Variants in ILDR1 observed in about 807,000 individuals in gnomAD.
ILDR1 encodes the protein immunoglobulin like domain containing receptor 1.
A neutral mutation model predicts 62.4 loss-of-function variants in ILDR1; 56 were observed. That is an observed-to-expected ratio of 0.90 (90% CI 0.72 to 1.12). ILDR1 has a LOEUF of 1.12. Among genes scored for constraint, ILDR1 ranks in the 50% most tolerant of loss-of-function variants. The probability of loss-of-function intolerance (pLI) is 0.00; values close to 1 mark genes in which losing one functional copy is unlikely to be tolerated. For synonymous variants in ILDR1, 284 were observed against 277.8 expected (o/e 1.02, Z -0.22); for missense variants, 736 against 710.6 (o/e 1.04, Z -0.41).
the ILDR1 span, among the ~76,000 whole-genome samples, chr3:122,029,461 C>G: frequency 6.6e-6 from 1 of 150,382 alleles, no homozygotes. Flanking sequence ...GAGCCGAGAT[C>G]CAGCCACTGC....
At chr3:122,002,819 A>T (rs9863154) in intron 3 of ILDR1, among the ~76,000 whole-genome samples, 75,361 of 151,856 alleles carry the variant, frequency 0.5, 19,295 homozygotes, top group East Asian at 0.78. Flanking sequence ...CCCCCATGTG[A>T]CCATGCATTC....
Position 122,002,010 on chromosome 3 carries a change from TGTGCCTATA to T in ILDR1, c.380-155_380-147del, listed in dbSNP as rs74268689. Reference sequence around the variant, plus strand: ...AAAAAATTATCCAGCCATGGTGGCATGTGCCTATAGTCCCAGCTTCTCTGGAGACCGAGG... The same window carrying T: ...AAAAAATTATCCAGCCATGGTGGCATGTCCCAGCTTCTCTGGAGACCGAGG... On this transcript the variant is annotated intron_variant, in intron 3 of 7. Transcript: ENST00000344209. 0.19 allele frequency: 182,630 copies of T among 949,162 alleles called. 19,375 individuals carry two copies. The highest frequency in any genetic ancestry group is 0.29 in the South Asian group (19,969 of 67,870). The allele number at this position is 949,162 out of a possible 1,614,324, so 58.8% of individuals were successfully genotyped here. A position where few individuals can be genotyped will look rare whatever the true frequency, so the allele number is the denominator to read the frequency against.
chr3:122,010,476 T>A (rs2071687794), intron 1 of ILDR1, among the ~76,000 whole-genome samples: 1 of 152,230 alleles, frequency 6.6e-6, no homozygotes, highest in African/African-American at 2.4e-5. Flanking sequence ...GCTGTCTCCG[T>A]AAGCTGTAGA....
intron 1 of ILDR1, among the ~76,000 whole-genome samples, chr3:122,014,601 G>A (rs1033084674): frequency 2.0e-5 from 3 of 152,068 alleles, no homozygotes; most frequent in East Asian, 1.9e-4. Context: ...CTTCACATGC[G>A]TTCTTTTATT....
chr3:122,036,082 G>A, the ILDR1 span, among the ~76,000 whole-genome samples: 38 of 152,290 alleles, frequency 2.5e-4, no homozygotes, highest in African/African-American at 8.9e-4. Flanking sequence ...TGGAGTAAAG[G>A]TCACCCTTAC....
In ILDR1 at chr3:122,001,578, T is replaced by C. The variant is rs1022715828; in HGVS notation, c.500-124A>G. The C allele has an allele frequency of 1.0e-5, 15 of 1,472,410 alleles. No homozygotes were observed. The African/African-American group carries it at 1.7e-4, about 16-fold the overall frequency. The allele number at this position is 1,472,410 out of a possible 1,614,324, so 91.2% of individuals were successfully genotyped here. On this transcript the variant is annotated intron_variant, in intron 4 of 7. Transcript: ENST00000344209. ...ACCTACAGGTTAAAGTTGAGCAATA[T>C]ACTGGCAAAAAGGTAAAAGTTTAGC...
At chr3:122,006,230 G>A (rs1220993350) in intron 2 of ILDR1, among the ~76,000 whole-genome samples, 1 of 152,146 alleles carries the variant, frequency 6.6e-6, no homozygotes, top group Non-Finnish European at 1.5e-5. Context: ...TTCTCAGGAG[G>A]CTCACTTTTC....
chr3:121,989,434 C>T (rs2071305645), intron 7 of ILDR1, among the ~76,000 whole-genome samples: 1 of 152,162 alleles, frequency 6.6e-6, no homozygotes, highest in African/African-American at 2.4e-5. Context: ...CTGGGATTCT[C>T]TTTAGAAAGT....
chr3:122,025,043 C>T (rs187358985), upstream of ILDR1, among the ~76,000 whole-genome samples: 3 of 152,342 alleles, frequency 2.0e-5, no homozygotes, highest in South Asian at 4.1e-4. Flanking sequence ...AGAGCATGTA[C>T]GTGGCTCAGA....
At chr3:122,004,752 A>C (rs1278234341) in intron 3 of ILDR1, among the ~76,000 whole-genome samples, 1 of 152,216 alleles carries the variant, frequency 6.6e-6, no homozygotes, top group East Asian at 1.9e-4. Flanking sequence ...TAGGATTCTC[A>C]CTTGGGGCTT....
At chr3:121,995,005 G>A (rs979470432) in intron 5 of ILDR1, among the ~76,000 whole-genome samples, 2 of 152,134 alleles carry the variant, frequency 1.3e-5, no homozygotes, top group African/African-American at 2.4e-5. Flanking sequence ...AAGCAGGGAA[G>A]GGAGATGAGA....
the ILDR1 span, among the ~76,000 whole-genome samples, chr3:122,047,459 G>A: frequency 6.6e-6 from 1 of 152,260 alleles, no homozygotes; most frequent in African/African-American, 2.4e-5. Flanking sequence ...GGAGCTTCCT[G>A]GCTGCTTTGT....
the ILDR1 span, among the ~76,000 whole-genome samples, chr3:122,056,677 A>G: frequency 1.3e-5 from 2 of 152,254 alleles, no homozygotes; most frequent in African/African-American, 4.8e-5. Flanking sequence ...AATCGAAGTA[A>G]CTTTCATCTA....
chr3:121,993,056 G>T, intron 7 of ILDR1, 94 bp downstream of exon 7: 1 of 1,039,556 alleles, frequency 9.6e-7, no homozygotes, highest in Non-Finnish European at 1.5e-6. Context: ...CCTCTGTGGT[G>T]GAATGAGAGG....
rs1184960863 is a variant in ILDR1 at position 121,988,538 on chromosome 3, C to A, written c.1600-130G>T. The A allele has an allele frequency of 9.5e-6, 7 of 738,676 alleles. No homozygotes were observed. In the Admixed American group the frequency reaches 1.2e-4, roughly 12 times the overall value. The allele number at this position is 738,676 out of a possible 1,614,324, so 45.8% of individuals were successfully genotyped here. On this transcript the variant is annotated intron_variant, in intron 7 of 7. Transcript: ENST00000344209. The stretch of plus-strand genomic sequence containing the variant: ...TGGCTGCCAGGACAGCAGATCTGAA[C>A]CTAAAAAGTATTTCTTTACTCTTCA...
At chr3:122,010,960 G>A (rs2071694391) in intron 1 of ILDR1, among the ~76,000 whole-genome samples, 2 of 152,128 alleles carry the variant, frequency 1.3e-5, no homozygotes, top group African/African-American at 2.4e-5. Flanking sequence ...GTGGTCATTC[G>A]TTTTTTCTAA....
In ILDR1 at chr3:121,987,854, A is replaced by G. The variant is rs1237694203; in HGVS notation, c.*513T>C. 1 of 258,928 alleles carries G rather than the reference A, an allele frequency of 3.9e-6. No homozygotes were observed. The highest frequency in any genetic ancestry group is 1.0e-4 in the East Asian group (1 of 9,944). The allele number at this position is 258,928 out of a possible 1,614,324, so 16.0% of individuals were successfully genotyped here. On this transcript the variant is annotated 3_prime_UTR_variant, in exon 8 of 8. Transcript: ENST00000344209. ...TAAATATGCAAGAGAGCATGAACCA[A>G]GGCTAAAACTACAGTTGGTAATTCC...
chr3:122,035,094 G>A, the ILDR1 span, among the ~76,000 whole-genome samples: 6 of 152,126 alleles, frequency 3.9e-5, no homozygotes, highest in African/African-American at 1.4e-4. Context: ...AGGCTGGCTT[G>A]GTGAGGGGAC....
intron 1 of ILDR1, among the ~76,000 whole-genome samples, chr3:122,011,676 T>C (rs1366974243): frequency 8.5e-3 from 421 of 49,344 alleles, no homozygotes; most frequent in Middle Eastern, 0.027. Context: ...CTCTCTCTCT[T>C]TCACACACAC....
Sources: allele counts gnomAD v4.1 joint callset (sites outside exome capture counted in the v4.1 genomes callset), GRCh38; gene constraint gnomAD v4.1.1; transcripts MANE v1.5; gene names NCBI Gene and HGNC (gene_info 2026-07-23, HGNC 2026-07-21).